Variants in CSMD3 observed in about 807,000 individuals in gnomAD.
CSMD3 encodes the protein CUB and Sushi multiple domains 3, also known as CUB and sushi domain-containing protein 3.
Under a neutral mutation model 435.2 loss-of-function variants are expected in CSMD3, and 177 were observed. The observed-to-expected ratio is 0.41, with a 90% CI of 0.36 to 0.46. CSMD3 has a LOEUF of 0.46. Among genes scored for constraint, CSMD3 ranks in the 20% least tolerant of loss-of-function variants. CSMD3 has a pLI of 0.34. For missense variants in CSMD3, 4,265 were observed against 4,504.6 expected (o/e 0.95, Z 1.52); for synonymous variants, 1,656 against 1,520.5 (o/e 1.09, Z -2.07).
At chr8:112,949,402 C>T (rs1431876291) in intron 8 of CSMD3, among the ~76,000 whole-genome samples, 1 of 151,930 alleles carries the variant, frequency 6.6e-6, no homozygotes, top group Non-Finnish European at 1.5e-5. Flanking sequence ...TCTCTCTTTA[C>T]CTTTCTAGGT....
intron 32 of CSMD3, among the ~76,000 whole-genome samples, chr8:112,451,060 A>C (rs892336102): frequency 6.6e-6 from 1 of 152,206 alleles, no homozygotes; most frequent in African/African-American, 2.4e-5. Flanking sequence ...AAAAAATATT[A>C]TGGAACTATT....
At chr8:113,376,664 C>T in intron 1 of CSMD3, 1 of 1,551,876 alleles carries the variant, frequency 6.4e-7, no homozygotes. Context: ...GCAGGAGGCG[C>T]CATCATGGGA....
In CSMD3 at chr8:112,981,938, A is replaced by C. The variant is rs141218920; in HGVS notation, c.1031-5790T>G. ...ATATTAAATATTGCAGTTTTACCCT[A>C]AGAAGGAGAATGGATAGACATCTCA... On this transcript the variant is annotated intron_variant, in intron 6 of 70. Transcript: ENST00000297405. Among the ~76,000 whole-genome samples the C allele has an allele frequency of 6.0e-4, 91 of 151,928 alleles. 1 individual carries two copies. In the East Asian group the frequency reaches 0.01, roughly 17 times the overall value.
chr8:112,337,637 T>C lies in CSMD3; in HGVS notation c.6747A>G (p.Glu2249=), dbSNP rs2130966083. ...CAATTAATGTGTATCCTGGGAAACATTCAAATGAAATGGTTTGACCCACAG... is the reference window on the plus strand; with the variant it reads ...CAATTAATGTGTATCCTGGGAAACACTCAAATGAAATGGTTTGACCCACAG... ...DFTVGQTISF[E]CFPGYTLIGN... Residue 2249 remains glutamate (E), a synonymous_variant, in exon 43 of 71, where the codon GAA becomes GAG. Coordinates refer to ENST00000297405, the MANE Select transcript of CSMD3 (RefSeq NM_198123.2). 2 of 1,613,312 alleles carry C rather than the reference T, an allele frequency of 1.2e-6. No homozygotes were observed. Among genetic ancestry groups the C allele is most frequent in the East Asian group, 2.2e-5 (1 of 44,868 alleles).
chr8:112,806,589 A>T (rs1317195976), intron 12 of CSMD3, among the ~76,000 whole-genome samples: 1 of 152,204 alleles, frequency 6.6e-6, no homozygotes, highest in Non-Finnish European at 1.5e-5. Context: ...GCAATATCCT[A>T]AATCATGTTA....
intron 19 of CSMD3, 87 bp downstream of exon 19, chr8:112,650,074 T>A: frequency 1.0e-6 from 1 of 953,180 alleles, no homozygotes; most frequent in Non-Finnish European, 1.7e-6. Context: ...CTAAAATATT[T>A]ATAATTATGT....
chr8:112,660,284 C>T (rs2075349538), intron 17 of CSMD3, among the ~76,000 whole-genome samples: 2 of 151,978 alleles, frequency 1.3e-5, no homozygotes, highest in South Asian at 2.1e-4. Flanking sequence ...ATTATAAGGC[C>T]ACTGATCAAG....
chr8:112,635,352 CAAATGGT>C (rs2074628033), intron 22 of CSMD3, among the ~76,000 whole-genome samples: 1 of 151,986 alleles, frequency 6.6e-6, no homozygotes, highest in Non-Finnish European at 1.5e-5. Context: ...GGCCAAATAT[CAAATGGT>C]CAGGCACTCT....
intron 1 of CSMD3, among the ~76,000 whole-genome samples, chr8:113,357,640 G>A (rs2094240987): frequency 1.3e-5 from 2 of 152,220 alleles, no homozygotes; most frequent in African/African-American, 4.8e-5. Flanking sequence ...TTTGGCTTGT[G>A]CCCCCACCCA....
chr8:112,687,695 T>G (rs2076042323), intron 14 of CSMD3, among the ~76,000 whole-genome samples: 2 of 152,188 alleles, frequency 1.3e-5, no homozygotes, highest in Non-Finnish European at 2.9e-5. Context: ...AACTGAAGCT[T>G]GCAAACTGAC....
chr8:112,378,965 TA>T (rs922125916), intron 38 of CSMD3, among the ~76,000 whole-genome samples: 8 of 151,878 alleles, frequency 5.3e-5, no homozygotes, highest in Middle Eastern at 3.4e-3. Context: ...GAGATTCCAT[TA>T]AAAAAAACTG....
chr8:113,006,809 C>T (rs989887936), intron 6 of CSMD3, among the ~76,000 whole-genome samples: 2 of 151,772 alleles, frequency 1.3e-5, no homozygotes, highest in Non-Finnish European at 2.9e-5. Context: ...GGGACTAATT[C>T]GGGCAAGTGT....
At position 112,838,559 on chromosome 8, in the gene CSMD3, GT is replaced by G. The variant is rs552554041; in HGVS notation, c.1756-8771del. ...GCTCTAAATTAAAATAATTATAATA[GT>G]TTTTTTTCCCTTTTTTTCCATACAC... is the stretch of plus-strand genomic sequence containing the variant. On this transcript the variant is annotated intron_variant, in intron 11 of 70. Transcript: ENST00000297405. 8.9e-4 allele frequency among the ~76,000 whole-genome samples: 135 copies of G among 151,428 alleles called. 1 individual carries two copies. The highest frequency in any genetic ancestry group is 3.4e-3 in the Middle Eastern group (1 of 294).
intron 5 of CSMD3, among the ~76,000 whole-genome samples, chr8:113,020,168 T>G (rs2086636182): frequency 2.2e-5 from 1 of 44,952 alleles, no homozygotes; most frequent in African/African-American, 1.4e-4. Flanking sequence ...AGACTCCGTC[T>G]CAAAAAAAAA....
chr8:112,912,348 T>C (rs768550861), intron 10 of CSMD3, among the ~76,000 whole-genome samples: 1 of 151,720 alleles, frequency 6.6e-6, no homozygotes, highest in African/African-American at 2.4e-5. Context: ...CTATTTTTCA[T>C]AATGGCTGTA....
chr8:112,291,958 A>G (rs185532382), intron 55 of CSMD3, among the ~76,000 whole-genome samples: 3 of 152,058 alleles, frequency 2.0e-5, no homozygotes, highest in African/African-American at 7.2e-5. Flanking sequence ...AATTTTAAAA[A>G]TGACATATTT....
chr8:113,236,768 A>C (rs1345079217), intron 3 of CSMD3, among the ~76,000 whole-genome samples: 9 of 152,206 alleles, frequency 5.9e-5, no homozygotes, highest in African/African-American at 2.2e-4. Flanking sequence ...ACCCTCTATA[A>C]TAGTGTGAGC....
At chr8:113,285,551 G>GC (rs1256096760) in intron 2 of CSMD3, among the ~76,000 whole-genome samples, 3 of 152,048 alleles carry the variant, frequency 2.0e-5, no homozygotes, top group African/African-American at 7.2e-5. Flanking sequence ...GAGCCACCCC[G>GC]CCCCGCCAGT....
chr8:113,273,288 C>A (rs1212284803), intron 3 of CSMD3, among the ~76,000 whole-genome samples: 1 of 151,704 alleles, frequency 6.6e-6, no homozygotes, highest in Non-Finnish European at 1.5e-5. Flanking sequence ...ATTTTGAATA[C>A]ATTAAAAAAA....
Sources: allele counts gnomAD v4.1 joint callset (sites outside exome capture counted in the v4.1 genomes callset), GRCh38; gene constraint gnomAD v4.1.1; transcripts MANE v1.5; gene names NCBI Gene and HGNC (gene_info 2026-07-23, HGNC 2026-07-21).